DIP2A: variants seen among roughly 807,000 people sequenced by gnomAD.
The protein encoded by DIP2A is disco-interacting protein 2 homolog A.
In DIP2A, 85 loss-of-function variants were observed where a neutral mutation model predicts 177.4. That is an observed-to-expected ratio of 0.48 (90% CI 0.40 to 0.57). DIP2A has a LOEUF of 0.57. Among genes scored for constraint, DIP2A ranks in the 20% least tolerant of loss-of-function variants. The probability of loss-of-function intolerance (pLI) is 0.00; values close to 1 mark genes in which losing one functional copy is unlikely to be tolerated. For synonymous variants in DIP2A, 886 were observed against 881.8 expected, an observed-to-expected ratio of 1.00 and a Z score of -0.08; for missense variants, 1,791 against 2,100.2, an observed-to-expected ratio of 0.85 and a Z score of 2.88.
At chr21:46,492,208 A>G (rs970977255) in intron 3 of DIP2A, among the ~76,000 whole-genome samples, 4 of 152,042 alleles carry the variant, frequency 2.6e-5, no homozygotes, top group Admixed American at 2.0e-4. Flanking sequence ...ACTTTTTTGC[A>G]TGGAGGTAGT....
intron 8 of DIP2A, among the ~76,000 whole-genome samples, chr21:46,516,483 A>ATTTTTTTTTTT (rs2058577945): frequency 9.5e-6 from 1 of 105,266 alleles, no homozygotes; most frequent in Non-Finnish European, 2.2e-5. Context: ...TGTCTTCTGA[A>ATTTTTTTTTTT]ATTTCTTTTT....
chr21:46,522,632 C>T (rs2058872857), intron 8 of DIP2A, among the ~76,000 whole-genome samples: 1 of 152,226 alleles, frequency 6.6e-6, no homozygotes, highest in South Asian at 2.1e-4. Context: ...CTACAACTGC[C>T]ATTAGCTACC....
At position 46,556,970 on chromosome 21, in the gene DIP2A, G is replaced by T. The variant is rs753015953; in HGVS notation, c.3530G>T (p.Arg1177Leu). The T allele has an allele frequency of 1.9e-6, 3 of 1,593,906 alleles. No individual in the cohort carries two copies. Among genetic ancestry groups the T allele is most frequent in the South Asian group, 2.3e-5 (2 of 88,604 alleles). The change falls in exon 30 of 38, where the codon CGC (arginine) becomes CTC (leucine). Residue 1177 changes from arginine (R) to leucine (L), a missense_variant. Coordinates refer to ENST00000417564, the MANE Select transcript of DIP2A (RefSeq NM_015151.4). The surrounding 1 kb of genome is among the most constrained non-coding windows in gnomAD (Gnocchi z 4.5). ...CACGCGGCCACAAGCGCCTTATGCCGCTCCATAAAGCTGCAGTGTGAGCTG... is the reference window on the plus strand; with the variant it reads ...CACGCGGCCACAAGCGCCTTATGCCTCTCCATAAAGCTGCAGTGTGAGCTG... The part of the protein sequence containing the change: ...MSHAATSALC[R>L]SIKLQCELYP...
At chr21:46,465,522 T>G (rs2148263407) in intron 1 of DIP2A, among the ~76,000 whole-genome samples, 1 of 152,328 alleles carries the variant, frequency 6.6e-6, no homozygotes, top group African/African-American at 2.4e-5. Context: ...AGACTATTTT[T>G]ATAATGATAC....
chr21:46,535,419 T>C (rs563594812), intron 13 of DIP2A, among the ~76,000 whole-genome samples: 2 of 152,272 alleles, frequency 1.3e-5, no homozygotes, highest in East Asian at 3.9e-4. Context: ...TGTCTAAATA[T>C]CTAAAATATA....
chr21:46,557,369 T>C lies in DIP2A; in HGVS notation c.3630-216T>C. The C allele has an allele frequency of 1.5e-6, 1 of 657,794 alleles. No homozygotes were observed. Among genetic ancestry groups the C allele is most frequent in the Non-Finnish European group, 2.5e-6 (1 of 394,020 alleles). The allele number at this position is 657,794 out of a possible 1,614,324, so 40.7% of individuals were successfully genotyped here. A position where few individuals can be genotyped will look rare whatever the true frequency, so the allele number is the denominator to read the frequency against. On this transcript the variant is annotated intron_variant, in intron 30 of 37. Transcript: ENST00000417564. The surrounding 1 kb of genome is among the most constrained non-coding windows in gnomAD (Gnocchi z 6.0). Reference sequence around the variant, plus strand: ...CCTCTGGAGTGGTGTCCCCGGATCCTCTCCAAGTGTTCGGAGCAGAGCTCA... The same window carrying C: ...CCTCTGGAGTGGTGTCCCCGGATCCCCTCCAAGTGTTCGGAGCAGAGCTCA...
the DIP2A span, among the ~76,000 whole-genome samples, chr21:46,578,294 G>A: frequency 6.6e-6 from 1 of 151,864 alleles, no homozygotes; most frequent in African/African-American, 2.4e-5. Context: ...CCTGGCAACA[G>A]AGCAAGACTC....
chr21:46,470,455 CAA>C (rs947454666), intron 1 of DIP2A, among the ~76,000 whole-genome samples: 1 of 141,456 alleles, frequency 7.1e-6, no homozygotes, highest in African/African-American at 2.7e-5. Context: ...GTCTGGGCAA[CAA>C]GAGCGAAGCT....
chr21:46,524,872 C>CTTTTTTTTTTTTTT (rs3061062), intron 8 of DIP2A, among the ~76,000 whole-genome samples: 2 of 63,402 alleles, frequency 3.2e-5, no homozygotes, highest in Non-Finnish European at 5.7e-5. Context: ...TTGCTTTTTG[C>CTTTTTTTTTTTTTT]TTTTTTTTTT....
Position 46,554,802 on chromosome 21 carries a change from C to A in DIP2A, c.3277-20C>A, listed in dbSNP as rs1042733442. On this transcript the variant is annotated intron_variant, in intron 27 of 37. Coordinates refer to ENST00000417564, the MANE Select transcript of DIP2A (RefSeq NM_015151.4). ...GCTTGAGAGGCCCCGCCCACCCACC[C>A]TTGGCCCCTCGCCATGCAGGTCAGC... 8 of 1,532,152 alleles carry A rather than the reference C, an allele frequency of 5.2e-6. No individual in the cohort carries two copies. In the Admixed American group the frequency reaches 8.0e-5, roughly 15 times the overall value. The allele number at this position is 1,532,152 out of a possible 1,614,324, so 94.9% of individuals were successfully genotyped here. A position where few individuals can be genotyped will look rare whatever the true frequency, so the allele number is the denominator to read the frequency against.
chr21:46,558,912 A>G (rs1226765404), intron 32 of DIP2A: 1 of 179,046 alleles, frequency 5.6e-6, no homozygotes, highest in Admixed American at 5.9e-5. Context: ...CAGCCTGGAC[A>G]ATATGATGAG....
In DIP2A at chr21:46,529,167, T is replaced by C. The variant is rs2059249133; in HGVS notation, c.1178T>C (p.Leu393Pro). The change falls in exon 9 of 38, where the codon CTT (leucine) becomes CCT (proline). Residue 393 changes from leucine to proline, a missense_variant. By Grantham distance (98) the Leu-to-Pro change is moderately conservative. Transcript: ENST00000417564. ...CTGACAAGTAAGAATGAACCTCTAC[T>C]TAAACCTGGAGACAGAGTAAGTAAC... ...NKLTSKNEPL[L>P]KPGDRVALVF... The C allele has an allele frequency of 2.0e-6, 3 of 1,531,930 alleles. No homozygotes were observed. The highest frequency in any genetic ancestry group is 2.6e-6 in the Non-Finnish European group (3 of 1,137,344). The allele number at this position is 1,531,930 out of a possible 1,614,324, so 94.9% of individuals were successfully genotyped here. A position where few individuals can be genotyped will look rare whatever the true frequency, so the allele number is the denominator to read the frequency against.
chr21:46,567,776 C>G lies in DIP2A; in HGVS notation c.*154C>G, dbSNP rs370626344. The stretch of plus-strand genomic sequence containing the variant: ...AATCCCCGCATCTCCTTTTAGAAAG[C>G]ACTTCCTGAATTATTTAAAGAAATA... On this transcript the variant is annotated 3_prime_UTR_variant, in exon 38 of 38. Transcript: ENST00000417564. The G allele has an allele frequency of 4.8e-6, 4 of 841,118 alleles. No individual in the cohort carries two copies. The highest frequency in any genetic ancestry group is 6.8e-6 in the Non-Finnish European group (4 of 590,022). The allele number at this position is 841,118 out of a possible 1,614,324, so 52.1% of individuals were successfully genotyped here. A position where few individuals can be genotyped will look rare whatever the true frequency, so the allele number is the denominator to read the frequency against.
chr21:46,531,487 T>C (rs1281957216), intron 9 of DIP2A, among the ~76,000 whole-genome samples: 2 of 152,264 alleles, frequency 1.3e-5, no homozygotes, highest in Non-Finnish European at 2.9e-5. Context: ...TGCTCATAGA[T>C]GAGATTTTAT....
chr21:46,479,329 T>G (rs541618681), intron 1 of DIP2A, among the ~76,000 whole-genome samples: 1 of 152,356 alleles, frequency 6.6e-6, no homozygotes, highest in African/African-American at 2.4e-5. Context: ...GTGCTATAAT[T>G]TTGTCAGTGC....
Position 46,537,323 on chromosome 21 carries a change from CA to C in DIP2A, c.1707+37del. 2 of 1,613,000 alleles carry C rather than the reference CA, an allele frequency of 1.2e-6. No homozygotes were observed. The highest frequency in any genetic ancestry group is 1.7e-6 in the Non-Finnish European group (2 of 1,178,990). The stretch of plus-strand genomic sequence containing the variant: ...GTTTGCTGATGACTAACTGTTGGAA[CA>C]AGGGATTGAGATGAACCCAAGCCTC... On this transcript the variant is annotated intron_variant, in intron 14 of 37. Transcript: ENST00000417564. The surrounding 1 kb of genome is among the most constrained non-coding windows in gnomAD (Gnocchi z 4.1).
At chr21:46,508,874 C>A (rs2058160938) in intron 6 of DIP2A, among the ~76,000 whole-genome samples, 1 of 151,784 alleles carries the variant, frequency 6.6e-6, no homozygotes. Flanking sequence ...TACAAATTAG[C>A]CAGGTGTGGT....
Position 46,537,160 on chromosome 21 carries a change from A to G in DIP2A, c.1643-64A>G. On this transcript the variant is annotated intron_variant, in intron 13 of 37. Coordinates refer to ENST00000417564, the MANE Select transcript of DIP2A (RefSeq NM_015151.4). The surrounding 1 kb of genome is among the most constrained non-coding windows in gnomAD (Gnocchi z 4.1). Reference sequence around the variant, plus strand: ...GACGTACTCACCTCAGAATTTCTCTAGAAAATGCATAGGGCTTATTGAGAG... The same window carrying G: ...GACGTACTCACCTCAGAATTTCTCTGGAAAATGCATAGGGCTTATTGAGAG... 2.6e-6 allele frequency: 4 copies of G among 1,559,768 alleles called. No homozygotes were observed. Among genetic ancestry groups the G allele is most frequent in the South Asian group, 1.1e-5 (1 of 89,978 alleles).
chr21:46,526,920 A>G (rs952973381), intron 8 of DIP2A, among the ~76,000 whole-genome samples: 2 of 152,176 alleles, frequency 1.3e-5, no homozygotes, highest in Non-Finnish European at 2.9e-5. Flanking sequence ...TACTTCTCTC[A>G]GAGGGGAAGC....
Sources: gnomAD v4.1 joint callset for allele counts (sites outside exome capture counted in the v4.1 genomes callset) on GRCh38, gnomAD v4.1.1 for gene constraint, Gnocchi (gnomAD v3.1) non-coding constraint, MANE v1.5 for transcripts, NCBI Gene and HGNC (gene_info 2026-07-23, HGNC 2026-07-21) for gene names.